LRBA: variants seen among roughly 807,000 people sequenced by gnomAD.
The protein encoded by LRBA is LPS responsive beige-like anchor protein.
In LRBA, 176 loss-of-function variants were observed where a neutral mutation model predicts 330.0. The observed-to-expected ratio is 0.53, with a 90% CI of 0.47 to 0.60. LRBA has a LOEUF of 0.60. Ranked by LOEUF, LRBA falls within the 20% of genes least tolerant of loss-of-function variation. The probability of loss-of-function intolerance (pLI) is 0.00; values close to 1 mark genes in which losing one functional copy is unlikely to be tolerated. For missense variants in LRBA, 3,259 were observed against 3,444.8 expected, an observed-to-expected ratio of 0.95 and a Z score of 1.35; for synonymous variants, 1,230 against 1,193.0, an observed-to-expected ratio of 1.03 and a Z score of -0.64.
At chr4:150,869,689 T>C (rs1276149101) in intron 20 of LRBA, among the ~76,000 whole-genome samples, 1 of 151,954 alleles carries the variant, frequency 6.6e-6, no homozygotes, top group Non-Finnish European at 1.5e-5. Flanking sequence ...ACTCGGTCTC[T>C]AAATAAATAA....
chr4:150,970,528 TGTGTGTGTGTGTGTGTGTGTGTGTGTGTA>T, intron 2 of LRBA: 2 of 43,098 alleles, frequency 4.6e-5, no homozygotes, highest in South Asian at 1.4e-3. Context: ...TATACTTGTG[TGTGTGTGTGTGTGTGTGTGTGTGTGTGTA>T]CACACACACA....
chr4:150,728,667 CA>C (rs145196870), intron 36 of LRBA, among the ~76,000 whole-genome samples: 13,582 of 136,104 alleles, frequency 0.1, 1,050 homozygotes, highest in African/African-American at 0.21. Context: ...TAAAAACCCT[CA>C]AAAAAAAAAA....
chr4:150,568,898 T>C (rs552010263), intron 40 of LRBA, among the ~76,000 whole-genome samples: 1 of 152,062 alleles, frequency 6.6e-6, no homozygotes, highest in East Asian at 1.9e-4. Context: ...AGGGATAACT[T>C]ATAAGTAGAT....
At chr4:150,628,178 G>A (rs1175509408) in intron 37 of LRBA, among the ~76,000 whole-genome samples, 1 of 152,124 alleles carries the variant, frequency 6.6e-6, no homozygotes, top group Non-Finnish European at 1.5e-5. Flanking sequence ...AACAGAGACA[G>A]TTAATACTCT....
chr4:150,887,328 GA>G (rs952076176), intron 17 of LRBA, among the ~76,000 whole-genome samples: 1 of 151,458 alleles, frequency 6.6e-6, no homozygotes, highest in South Asian at 2.1e-4. Context: ...ACTACAATCT[GA>G]AAAAAAACAA....
chr4:150,289,980 T>C (rs1422135049), intron 53 of LRBA, among the ~76,000 whole-genome samples: 1 of 152,190 alleles, frequency 6.6e-6, no homozygotes. Context: ...AGAATCGATC[T>C]TTTTATGTCT....
intron 37 of LRBA, among the ~76,000 whole-genome samples, chr4:150,639,604 A>G (rs1187516092): frequency 1.4e-5 from 2 of 144,662 alleles, no homozygotes; most frequent in African/African-American, 5.1e-5. Context: ...AAAAAAAAAA[A>G]AAAATTCTAG....
intron 37 of LRBA, among the ~76,000 whole-genome samples, chr4:150,643,548 G>A (rs573554868): frequency 6.6e-6 from 1 of 151,940 alleles, no homozygotes; most frequent in Non-Finnish European, 1.5e-5. Flanking sequence ...TGAAGAACAT[G>A]TGCAGAAGTT....
chr4:150,456,553 T>C (rs1392072543), intron 44 of LRBA, among the ~76,000 whole-genome samples: 1 of 152,170 alleles, frequency 6.6e-6, no homozygotes, highest in Admixed American at 6.6e-5. Context: ...CTGCTTGAGC[T>C]CCTTACATAT....
intron 36 of LRBA, among the ~76,000 whole-genome samples, chr4:150,686,685 G>A (rs910570265): frequency 6.6e-6 from 1 of 152,004 alleles, no homozygotes; most frequent in African/African-American, 2.4e-5. Context: ...TCACCTAAGA[G>A]GAAATTCAAA....
At chr4:150,476,503 G>A (rs1035261248) in intron 42 of LRBA, among the ~76,000 whole-genome samples, 4 of 151,910 alleles carry the variant, frequency 2.6e-5, no homozygotes, top group African/African-American at 9.7e-5. Flanking sequence ...CAAGGAGCAT[G>A]GAATCAAAAA....
chr4:150,428,372 T>A (rs1749919200), intron 46 of LRBA, among the ~76,000 whole-genome samples: 1 of 152,074 alleles, frequency 6.6e-6, no homozygotes, highest in African/African-American at 2.4e-5. Context: ...AGTAATAAAA[T>A]GTAGAAAATT....
intron 17 of LRBA, among the ~76,000 whole-genome samples, chr4:150,882,320 T>G (rs1728484579): frequency 6.6e-6 from 1 of 152,308 alleles, no homozygotes; most frequent in East Asian, 1.9e-4. Context: ...TTGTAAAAGT[T>G]AAATGGGCCT....
At chr4:151,014,241 G>T (rs1389708079) in intron 2 of LRBA, 186 bp downstream of exon 2, 1 of 558,000 alleles carries the variant, frequency 1.8e-6, no homozygotes, top group East Asian at 2.8e-5. Flanking sequence ...GATCATCTAA[G>T]TTTGCACAAT....
At chr4:150,670,596 T>C (rs1781968473) in intron 37 of LRBA, among the ~76,000 whole-genome samples, 1 of 152,234 alleles carries the variant, frequency 6.6e-6, no homozygotes, top group Admixed American at 6.5e-5. Context: ...GGAACTAGGT[T>C]TGCATTTTAT....
intron 2 of LRBA, among the ~76,000 whole-genome samples, chr4:150,944,277 T>G (rs1217754003): frequency 1.3e-5 from 2 of 152,220 alleles, no homozygotes; most frequent in Non-Finnish European, 2.9e-5. Flanking sequence ...TGGGGAAAAC[T>G]TTATTATGCT....
intron 42 of LRBA, among the ~76,000 whole-genome samples, chr4:150,479,088 A>G (rs1246628991): frequency 3.3e-5 from 5 of 152,034 alleles, no homozygotes; most frequent in African/African-American, 1.2e-4. Context: ...CTTTGAGATC[A>G]GCCTGGACAA....
At chr4:150,639,753 A>G (rs368753864) in intron 37 of LRBA, among the ~76,000 whole-genome samples, 2,451 of 26,238 alleles carry the variant, frequency 0.093, 342 homozygotes, top group African/African-American at 0.29. Flanking sequence ...ATATATATAT[A>G]TATATATATA....
intron 40 of LRBA, among the ~76,000 whole-genome samples, chr4:150,532,433 A>C (rs757492248): frequency 7.4e-4 from 113 of 152,158 alleles, no homozygotes; most frequent in Non-Finnish European, 3.1e-4. Flanking sequence ...TTTACCAATA[A>C]TACTAAAACA....
Sources: gnomAD v4.1 joint callset for allele counts (sites outside exome capture counted in the v4.1 genomes callset) on GRCh38, gnomAD v4.1.1 for gene constraint, MANE v1.5 for transcripts, NCBI Gene and HGNC (gene_info 2026-07-23, HGNC 2026-07-21) for gene names.